Variants in CSMD3 observed in about 807,000 individuals in gnomAD.
CSMD3 encodes CUB and Sushi multiple domains 3.
In CSMD3, 177 loss-of-function variants were observed where a neutral mutation model predicts 435.2. The observed-to-expected ratio is 0.41, with a 90% CI of 0.36 to 0.46. The LOEUF is 0.46. CSMD3 is among the 20% of genes least tolerant of loss of function. The probability of loss-of-function intolerance (pLI) is 0.34; values close to 1 mark genes in which losing one functional copy is unlikely to be tolerated. For synonymous variants in CSMD3, 1,656 were observed against 1,520.5 expected, an observed-to-expected ratio of 1.09 and a Z score of -2.07; for missense variants, 4,265 against 4,504.6, an observed-to-expected ratio of 0.95 and a Z score of 1.52.
intron 13 of CSMD3, among the ~76,000 whole-genome samples, chr8:112,772,116 A>C (rs1164781801): frequency 2.0e-5 from 3 of 151,784 alleles, no homozygotes; most frequent in Non-Finnish European, 4.4e-5. Context: ...ATAAATTATA[A>C]GGGGCTCAAG....
intron 10 of CSMD3, among the ~76,000 whole-genome samples, chr8:112,891,660 G>A (rs1047439882): frequency 2.6e-5 from 4 of 151,520 alleles, no homozygotes; most frequent in Non-Finnish European, 5.9e-5. Context: ...CAGGCAAAAT[G>A]TCAGGTTGTA....
intron 32 of CSMD3, among the ~76,000 whole-genome samples, chr8:112,471,597 C>T (rs1049002643): frequency 1.1e-4 from 17 of 152,048 alleles, no homozygotes; most frequent in Admixed American, 1.3e-4. Flanking sequence ...AGATCTTGGA[C>T]TTGTTTCAGA....
chr8:113,430,317 G>C (rs1446845179), intron 1 of CSMD3, among the ~76,000 whole-genome samples: 2 of 152,080 alleles, frequency 1.3e-5, no homozygotes, highest in Non-Finnish European at 1.5e-5. Flanking sequence ...CCAAGCACTG[G>C]GCTAGGTACG....
intron 5 of CSMD3, among the ~76,000 whole-genome samples, chr8:113,078,690 C>T (rs1462587214): frequency 6.6e-6 from 1 of 152,050 alleles, no homozygotes; most frequent in Non-Finnish European, 1.5e-5. Context: ...GTATAAAGTC[C>T]ATTTATTTTC....
intron 20 of CSMD3, among the ~76,000 whole-genome samples, chr8:112,639,936 T>C (rs1352331677): frequency 6.6e-6 from 1 of 152,168 alleles, no homozygotes; most frequent in Non-Finnish European, 1.5e-5. Context: ...GTTGGGTATG[T>C]ATCTAGGAAT....
intron 4 of CSMD3, among the ~76,000 whole-genome samples, chr8:113,106,042 A>G (rs1459376988): frequency 2.0e-5 from 3 of 152,150 alleles, no homozygotes; most frequent in Non-Finnish European, 4.4e-5. Context: ...AACAAGGGTT[A>G]GCACACTATA....
intron 31 of CSMD3, among the ~76,000 whole-genome samples, chr8:112,482,882 GT>G (rs1421162850): frequency 6.6e-6 from 1 of 152,108 alleles, no homozygotes; most frequent in Non-Finnish European, 1.5e-5. Flanking sequence ...AGTAAATGCA[GT>G]TTGTAATTCT....
chr8:112,258,467 G>T (rs1218627090), intron 61 of CSMD3, among the ~76,000 whole-genome samples: 2 of 152,070 alleles, frequency 1.3e-5, no homozygotes, highest in African/African-American at 4.8e-5. Flanking sequence ...GTGGACAAAG[G>T]ATATGAACAT....
chr8:112,593,843 G>A (rs1317999138), intron 22 of CSMD3, among the ~76,000 whole-genome samples: 1 of 152,156 alleles, frequency 6.6e-6, no homozygotes. Context: ...TGGGAAGAAA[G>A]GAACTATAAT....
In CSMD3 at chr8:112,685,462, A is replaced by G; in HGVS notation, c.2426T>C (p.Leu809Ser). The G allele has an allele frequency of 6.2e-7, 1 of 1,614,058 alleles. No individual in the cohort carries two copies. Reference sequence around the variant, plus strand: ...CATTGAGTGGTCAGCCTGAAATTCCAATCGCAGTATGTGACTATTACTAGT... The same window carrying G: ...CATTGAGTGGTCAGCCTGAAATTCCGATCGCAGTATGTGACTATTACTAGT... ...HLTSNSHILR[L>S]EFQADHSMSG... is the part of the protein sequence containing the mutation. Residue 809 changes from leucine to serine, a missense_variant, in exon 15 of 71, where the codon TTG (leucine) becomes TCG (serine). By Grantham distance (145) the Leu-to-Ser change is moderately radical (BLOSUM62 -2). Coordinates refer to ENST00000297405, the MANE Select transcript of CSMD3 (RefSeq NM_198123.2).
chr8:112,854,254 T>G (rs1262336396), intron 11 of CSMD3, among the ~76,000 whole-genome samples: 1 of 152,226 alleles, frequency 6.6e-6, no homozygotes, highest in East Asian at 1.9e-4. Flanking sequence ...AGCCTAAGAC[T>G]TTCAAAAATG....
In CSMD3 at chr8:112,829,758, A is replaced by C. The variant is rs2079808489; in HGVS notation, c.1787T>G (p.Leu596Arg). 1 of 1,612,496 alleles carries C rather than the reference A, an allele frequency of 6.2e-7. No homozygotes were observed. Among genetic ancestry groups the C allele is most frequent in the African/African-American group, 1.3e-5 (1 of 74,862 alleles). ...TGTCAAGGTATCATAGCCAATCTCCAGATCAAATTCTTCAAAATTTATCTG... is the reference window on the plus strand; with the variant it reads ...TGTCAAGGTATCATAGCCAATCTCCCGATCAAATTCTTCAAAATTTATCTG... ...VIQINFEEFD[L>R]EIGYDTLTIG... is the part of the protein sequence containing the mutation. Residue 596 changes from leucine (L) to arginine (R), a missense_variant, in exon 12 of 71, where the codon CTG becomes CGG. Physicochemically the swap from Leu to Arg is moderately radical, Grantham distance 102 (BLOSUM62 -2). Coordinates refer to ENST00000297405, the MANE Select transcript of CSMD3 (RefSeq NM_198123.2).
At chr8:112,534,673 C>T (rs2131094313) in intron 27 of CSMD3, among the ~76,000 whole-genome samples, 1 of 152,186 alleles carries the variant, frequency 6.6e-6, no homozygotes, top group South Asian at 2.1e-4. Flanking sequence ...CTCCCTAACT[C>T]ATTTTATGAG....
In CSMD3 at chr8:112,304,622, T is replaced by C; in HGVS notation, c.8266+99A>G. 6.7e-6 allele frequency: 6 copies of C among 895,674 alleles called. No individual in the cohort carries two copies. The South Asian group carries it at 8.1e-5, about 12-fold the overall frequency. The allele number at this position is 895,674 out of a possible 1,614,324, so 55.5% of individuals were successfully genotyped here. Reference sequence around the variant, plus strand: ...ATAAATGACCATATTAGTAATGTCATCCAATTATTGATCTAATGTGTTTAT... The same window carrying C: ...ATAAATGACCATATTAGTAATGTCACCCAATTATTGATCTAATGTGTTTAT... On this transcript the variant is annotated intron_variant, in intron 52 of 70. Transcript: ENST00000297405.
intron 4 of CSMD3, among the ~76,000 whole-genome samples, chr8:113,114,600 T>G (rs1588099953): frequency 6.6e-6 from 1 of 152,270 alleles, no homozygotes; most frequent in East Asian, 1.9e-4. Flanking sequence ...ATGCATGGGT[T>G]AGTACAGTAA....
intron 53 of CSMD3, among the ~76,000 whole-genome samples, chr8:112,297,207 A>T (rs547052246): frequency 6.4e-4 from 96 of 150,792 alleles, no homozygotes; most frequent in Admixed American, 1.6e-3. Flanking sequence ...TCACCTTTGA[A>T]ATTATTTTAT....
chr8:112,910,236 G>A (rs146577376), intron 10 of CSMD3, among the ~76,000 whole-genome samples: 424 of 151,692 alleles, frequency 2.8e-3, no homozygotes, highest in Non-Finnish European at 4.3e-3. Context: ...GCCAGGGATG[G>A]GGATCACTGA....
At chr8:113,203,513 CT>C (rs1450400789) in intron 3 of CSMD3, among the ~76,000 whole-genome samples, 1 of 151,830 alleles carries the variant, frequency 6.6e-6, no homozygotes, top group Non-Finnish European at 1.5e-5. Flanking sequence ...CTCAAGTGAT[CT>C]TTCTGCCTCT....
chr8:112,890,858 G>A (rs749446803), intron 10 of CSMD3, among the ~76,000 whole-genome samples: 161 of 151,726 alleles, frequency 1.1e-3, no homozygotes, highest in Non-Finnish European at 1.3e-3. Context: ...TATAAATGGA[G>A]CAGTCAGTTA....
Sources: allele counts gnomAD v4.1 joint callset (sites outside exome capture counted in the v4.1 genomes callset), GRCh38; gene constraint gnomAD v4.1.1; transcripts MANE v1.5; gene names NCBI Gene and HGNC (gene_info 2026-07-23, HGNC 2026-07-21).